Variants in DIAPH2 observed in about 807,000 individuals in gnomAD.
DIAPH2 encodes the protein diaphanous related formin 2.
A neutral mutation model predicts 92.7 loss-of-function variants in DIAPH2; 35 were observed. That is an observed-to-expected ratio of 0.38 (90% confidence interval 0.29 to 0.50). The LOEUF (loss-of-function observed/expected upper bound fraction) is 0.50. Ranked by LOEUF, DIAPH2 falls within the 20% of genes least tolerant of loss-of-function variation. The pLI, the probability that DIAPH2 is intolerant of heterozygous loss-of-function variation, is 0.94. For synonymous variants in DIAPH2, 301 were observed against 280.4 expected (o/e 1.07, Z -0.73); for missense variants, 701 against 819.5 (o/e 0.86, Z 1.77).
chrX:97,415,825 A>G lies in DIAPH2; in HGVS notation c.3146-13825A>G, dbSNP rs969280352. 2.7e-5 allele frequency among the ~76,000 whole-genome samples: 3 copies of G among 111,065 alleles called. No individual in the cohort carries two copies. In the East Asian group the frequency reaches 8.4e-4, roughly 31 times the overall value. On this transcript the variant is annotated intron_variant, in intron 25 of 26. Transcript: ENST00000324765. The stretch of plus-strand genomic sequence containing the variant: ...TATGTAACAAGCCTGCATGTCGTGC[A>G]CATGTACCCTAGAACTTAAAGTATA...
intron 23 of DIAPH2, among the ~76,000 whole-genome samples, chrX:97,294,735 AT>A (rs1321278976): frequency 8.9e-6 from 1 of 112,043 alleles, no homozygotes. Flanking sequence ...ATAAAATTGA[AT>A]TGTAAAATTG....
chrX:97,055,860 C>T (rs2066553340), intron 17 of DIAPH2, among the ~76,000 whole-genome samples: 1 of 111,475 alleles, frequency 9.0e-6, no homozygotes, highest in African/African-American at 3.3e-5. Flanking sequence ...TCAGTAGCTT[C>T]CTATATCGAT....
At chrX:97,325,659 G>T (rs922526059) in intron 23 of DIAPH2, among the ~76,000 whole-genome samples, 3 of 108,930 alleles carry the variant, frequency 2.8e-5, no homozygotes, top group Non-Finnish European at 5.7e-5. Context: ...CTCACTGCAA[G>T]CTCCGCGTCC....
At chrX:96,885,223 C>A in intron 5 of DIAPH2, 3 of 558,016 alleles carry the variant, frequency 5.4e-6, no homozygotes, top group Non-Finnish European at 8.6e-6. Context: ...TGTCAACTCG[C>A]TGCTTTTCTA....
At chrX:96,886,917 T>C (rs1487916351) in intron 5 of DIAPH2, among the ~76,000 whole-genome samples, 1 of 110,051 alleles carries the variant, frequency 9.1e-6, no homozygotes, top group Non-Finnish European at 1.9e-5. Flanking sequence ...AACTCTTTTT[T>C]TTTTGTTTGG....
chrX:97,058,519 A>C (rs1234570375), intron 17 of DIAPH2, among the ~76,000 whole-genome samples: 1 of 98,916 alleles, frequency 1.0e-5, no homozygotes, highest in Non-Finnish European at 2.0e-5. Flanking sequence ...TACTTTTGAC[A>C]CTGTTGATTA....
chrX:97,253,118 G>A (rs369525061), intron 23 of DIAPH2, among the ~76,000 whole-genome samples: 4 of 108,981 alleles, frequency 3.7e-5, no homozygotes, highest in East Asian at 5.8e-4. Flanking sequence ...GTAAAACCCC[G>A]TCTCTACTAA....
intron 4 of DIAPH2, among the ~76,000 whole-genome samples, chrX:96,782,124 A>G (rs233676): frequency 0.43 from 47,530 of 110,159 alleles, 9,027 homozygotes; most frequent in African/African-American, 0.75. Context: ...TGTAGAGACA[A>G]TGTCTCACTA....
chrX:97,509,607 A>G (rs2070868626), intron 26 of DIAPH2, among the ~76,000 whole-genome samples: 1 of 103,765 alleles, frequency 9.6e-6, no homozygotes, highest in Non-Finnish European at 1.9e-5. Flanking sequence ...TGCTGCACCC[A>G]TTAACTCGTC....
In DIAPH2 at chrX:96,888,618, T is replaced by G. The variant is rs1362747012; in HGVS notation, c.587+6900T>G. Among the ~76,000 whole-genome samples, 4 of 100,950 alleles carry G rather than the reference T, an allele frequency of 4.0e-5. No homozygotes were observed. In the East Asian group the frequency reaches 1.2e-3, roughly 30 times the overall value. 87.7% of individuals were successfully genotyped at this position (100,950 alleles called of 115,157 possible). A position where few individuals can be genotyped will look rare whatever the true frequency, so the allele number is the denominator to read the frequency against. ...AGATATATATATCTATATATATCTATATATATACACAGATATATATATCTA... is the reference window on the plus strand; with the variant it reads ...AGATATATATATCTATATATATCTAGATATATACACAGATATATATATCTA... On this transcript the variant is annotated intron_variant, in intron 5 of 26. Coordinates refer to ENST00000324765, the MANE Select transcript of DIAPH2 (RefSeq NM_006729.5).
At chrX:97,303,535 T>G (rs1351325859) in intron 23 of DIAPH2, among the ~76,000 whole-genome samples, 1 of 111,629 alleles carries the variant, frequency 9.0e-6, no homozygotes, top group African/African-American at 3.2e-5. Context: ...TATGTTAAAT[T>G]ATGCATAGGA....
intron 26 of DIAPH2, among the ~76,000 whole-genome samples, chrX:97,500,148 A>G (rs1300158248): frequency 8.9e-6 from 1 of 111,822 alleles, no homozygotes; most frequent in Non-Finnish European, 1.9e-5. Context: ...ACTCTATATA[A>G]TGTATGTAGA....
At chrX:96,800,851 G>A (rs1300178260) in intron 4 of DIAPH2, among the ~76,000 whole-genome samples, 2 of 111,908 alleles carry the variant, frequency 1.8e-5, no homozygotes, top group African/African-American at 3.2e-5. Flanking sequence ...TGAAAAATGC[G>A]TGACCTATCT....
intron 26 of DIAPH2, among the ~76,000 whole-genome samples, chrX:97,457,383 T>G (rs908185890): frequency 1.8e-5 from 2 of 112,972 alleles, no homozygotes; most frequent in Non-Finnish European, 3.7e-5. Flanking sequence ...TATGGTTCTG[T>G]TAAGTCTCTT....
At position 97,185,399 on chromosome X, in the gene DIAPH2, A is replaced by G. The variant is rs376475044; in HGVS notation, c.2719+43605A>G. On this transcript the variant is annotated intron_variant, in intron 22 of 26. Transcript: ENST00000324765. ...TATATATGTATATATATATGTGTAT[A>G]TATATATATATGTATATATATATGT... 2.1e-3 allele frequency among the ~76,000 whole-genome samples: 103 copies of G among 49,093 alleles called. 5 individuals carry two copies. The highest frequency in any genetic ancestry group is 1.8e-3 in the Non-Finnish European group (59 of 33,157). 42.6% of individuals were successfully genotyped at this position (49,093 alleles called of 115,157 possible). A position where few individuals can be genotyped will look rare whatever the true frequency, so the allele number is the denominator to read the frequency against.
rs756139894 is a variant in DIAPH2 at position 96,778,608 on chromosome X, C to G, written c.447+20350C>G. Among the ~76,000 whole-genome samples, 11 of 111,197 alleles carry G rather than the reference C, an allele frequency of 9.9e-5. No individual in the cohort carries two copies. The East Asian group carries it at 2.8e-3, about 29-fold the overall frequency. The stretch of plus-strand genomic sequence containing the variant: ...CCCGTATTCAAATTTCTCCAACTAT[C>G]CCAATAATGCCCTTTATAACTTCTT... On this transcript the variant is annotated intron_variant, in intron 4 of 26. Transcript: ENST00000324765.
At chrX:97,243,203 G>A (rs966436076) in intron 22 of DIAPH2, among the ~76,000 whole-genome samples, 1 of 110,259 alleles carries the variant, frequency 9.1e-6, no homozygotes, top group Non-Finnish European at 1.9e-5. Context: ...CAGCCCTGAC[G>A]GAGACAACCT....
chrX:97,071,008 T>C, intron 17 of DIAPH2, among the ~76,000 whole-genome samples: 1 of 111,870 alleles, frequency 8.9e-6, no homozygotes, highest in Non-Finnish European at 1.9e-5. Context: ...GTTTTTCTTA[T>C]ATGTACTTGG....
intron 23 of DIAPH2, among the ~76,000 whole-genome samples, chrX:97,293,480 T>A (rs1369339876): frequency 1.8e-5 from 2 of 110,428 alleles, no homozygotes; most frequent in Non-Finnish European, 3.8e-5. Flanking sequence ...CTCTGTCTCC[T>A]GACCTCGTAA....
Sources: gnomAD v4.1 joint callset for allele counts (sites outside exome capture counted in the v4.1 genomes callset) on GRCh38, gnomAD v4.1.1 for gene constraint, MANE v1.5 for transcripts, NCBI Gene and HGNC (gene_info 2026-07-23, HGNC 2026-07-21) for gene names.